The following RYR3 variants were observed in gnomAD, a reference collection of about 807,000 sequenced individuals.
RYR3 encodes the protein ryanodine receptor 3.
RYR3 carries 207 observed loss-of-function variants against 584.3 expected under a neutral mutation model. The ratio of observed to expected loss-of-function variants is 0.35; its 90% CI spans 0.32 to 0.40. The LOEUF is 0.40. Among genes scored for constraint, RYR3 ranks in the 10% least tolerant of loss-of-function variants. RYR3 has a pLI of 1.00. For synonymous variants in RYR3, 2,416 were observed against 2,248.5 expected (o/e 1.07, Z -2.11); for missense variants, 5,616 against 6,089.2 (o/e 0.92, Z 2.59).
chr15:33,414,734 A>G (rs2043666027), intron 1 of RYR3, among the ~76,000 whole-genome samples: 1 of 152,088 alleles, frequency 6.6e-6, no homozygotes. Context: ...CCTCCCAAGT[A>G]GCTGGGACTA....
chr15:33,700,803 G>C (rs1462213483), intron 41 of RYR3, among the ~76,000 whole-genome samples, 174 bp from the exon 42 acceptor site: 1 of 152,192 alleles, frequency 6.6e-6, no homozygotes, highest in Non-Finnish European at 1.5e-5. Flanking sequence ...AGGAAGGATA[G>C]CTAATAGAGC....
At chr15:33,718,377 G>A (rs2067655759) in intron 43 of RYR3, among the ~76,000 whole-genome samples, 1 of 152,172 alleles carries the variant, frequency 6.6e-6, no homozygotes, top group African/African-American at 2.4e-5. Context: ...TTTTTTGAAT[G>A]TTTGTGATAT....
chr15:33,728,920 T>G lies in RYR3; in HGVS notation c.7097T>G (p.Val2366Gly), dbSNP rs1596334748. Reference sequence around the variant, plus strand: ...TGCCCTGACCACAAGGCACCTATGGTGCTGTTCTTGGACCGCGTTTATGGC... The same window carrying G: ...TGCCCTGACCACAAGGCACCTATGGGGCTGTTCTTGGACCGCGTTTATGGC... ...NFCPDHKAPMVLFLDRVYGIK... is the reference protein window; with the variant it reads ...NFCPDHKAPMGLFLDRVYGIK... The change falls in exon 47 of 104, where the codon GTG becomes GGG. Residue 2366 changes from valine to glycine, a missense_variant. Physicochemically the swap from Val to Gly is moderately radical, Grantham distance 109. This residue lies in a region of RYR3 where 1,280 missense variants were observed against 1,426.2 expected (regional missense o/e 0.90). Coordinates refer to ENST00000634891, the MANE Select transcript of RYR3 (RefSeq NM_001036.6). 2.5e-6 allele frequency: 4 copies of G among 1,613,754 alleles called. No homozygotes were observed. Among genetic ancestry groups the G allele is most frequent in the Non-Finnish European group, 3.4e-6 (4 of 1,179,800 alleles).
intron 43 of RYR3, among the ~76,000 whole-genome samples, chr15:33,721,511 G>A (rs888110101): frequency 2.0e-5 from 3 of 152,136 alleles, no homozygotes; most frequent in East Asian, 1.9e-4. Context: ...CTCGATTATC[G>A]CTCAGTTCTC....
At chr15:33,519,055 C>T (rs2053764513) in intron 3 of RYR3, among the ~76,000 whole-genome samples, 1 of 152,208 alleles carries the variant, frequency 6.6e-6, no homozygotes, top group African/African-American at 2.4e-5. Flanking sequence ...CCCCAGTCTG[C>T]TTTGTGCTTT....
chr15:33,749,972 G>C lies in RYR3; in HGVS notation c.8200-7G>C. 6.2e-7 allele frequency: 1 copy of C among 1,610,864 alleles called. No homozygotes were observed. Among genetic ancestry groups the C allele is most frequent in the Non-Finnish European group, 8.5e-7 (1 of 1,178,872 alleles). Reference sequence around the variant, plus strand: ...TTTTTGACTTGGCTCTTCTTGGTGGGACACAGGGAATGGTGGAGGTCGTGG... The same window carrying C: ...TTTTTGACTTGGCTCTTCTTGGTGGCACACAGGGAATGGTGGAGGTCGTGG... On this transcript the variant is annotated splice_region_variant and splice_polypyrimidine_tract_variant and intron_variant, in intron 55 of 103. Transcript: ENST00000634891.
intron 89 of RYR3, among the ~76,000 whole-genome samples, chr15:33,839,426 AC>A (rs1386821904): frequency 6.6e-6 from 1 of 152,228 alleles, no homozygotes; most frequent in African/African-American, 2.4e-5. Flanking sequence ...TCCTTGTGAT[AC>A]ACTCACTGTT....
At chr15:33,532,613 T>A (rs1310473605) in intron 4 of RYR3, among the ~76,000 whole-genome samples, 2 of 127,132 alleles carry the variant, frequency 1.6e-5, no homozygotes, top group African/African-American at 2.7e-5. Flanking sequence ...TAACATAATA[T>A]TATATAAAAT....
In RYR3 at chr15:33,510,497, G is replaced by GTATA. The variant is rs569063659; in HGVS notation, c.279+6762_279+6763insATAT. On this transcript the variant is annotated intron_variant, in intron 3 of 103. Transcript: ENST00000634891. ...ATTTATTTAGGTAGAATGAATAAAT[G>GTATA]TATTCTCTTTCTTCTTTGCTGTGGA... Among the ~76,000 whole-genome samples, 197 of 152,034 alleles carry GTATA rather than the reference G, an allele frequency of 1.3e-3. 1 individual carries two copies. The highest frequency in any genetic ancestry group is 4.5e-3 in the African/African-American group (186 of 41,450).
At chr15:33,455,497 G>T (rs1420443402) in intron 1 of RYR3, among the ~76,000 whole-genome samples, 1 of 146,562 alleles carries the variant, frequency 6.8e-6, no homozygotes, top group African/African-American at 2.4e-5. Context: ...CAGGAGAGGA[G>T]TACGTGCCTT....
chr15:33,593,548 G>A (rs776079489), intron 16 of RYR3, among the ~76,000 whole-genome samples: 7 of 152,178 alleles, frequency 4.6e-5, no homozygotes, highest in Non-Finnish European at 5.9e-5. Flanking sequence ...GCTTATGTAC[G>A]TAAACAGGTT....
At chr15:33,515,615 C>G (rs1366223020) in intron 3 of RYR3, among the ~76,000 whole-genome samples, 1 of 152,228 alleles carries the variant, frequency 6.6e-6, no homozygotes, top group Non-Finnish European at 1.5e-5. Flanking sequence ...CTATTTATTG[C>G]ATTTGCAGTT....
chr15:33,439,614 C>G (rs541259257), intron 1 of RYR3, among the ~76,000 whole-genome samples: 8 of 152,086 alleles, frequency 5.3e-5, no homozygotes, highest in Admixed American at 2.6e-4. Flanking sequence ...AATCTTTATT[C>G]AAAATGTTTG....
rs2061609085 is a variant in RYR3, at chr15:33,638,274, A to G, written c.3556+1724A>G. Among the ~76,000 whole-genome samples the G allele has an allele frequency of 2.6e-5, 4 of 152,356 alleles. 1 individual carries two copies. In the Middle Eastern group the frequency reaches 0.014, roughly 518 times the overall value. ...GATTTCTGTGGGTGGACATCAGGGC[A>G]GTGTACAAGGACAACCAGGTGCTTT... On this transcript the variant is annotated intron_variant, in intron 27 of 103. Coordinates refer to ENST00000634891, the MANE Select transcript of RYR3 (RefSeq NM_001036.6).
intron 1 of RYR3, among the ~76,000 whole-genome samples, chr15:33,447,021 A>C (rs1471391338): frequency 6.6e-6 from 1 of 152,230 alleles, no homozygotes; most frequent in Non-Finnish European, 1.5e-5. Flanking sequence ...CCTGCACCAC[A>C]GTTCTTTACT....
intron 84 of RYR3, 114 bp from the exon 85 acceptor site, chr15:33,827,085 G>A: frequency 2.2e-6 from 2 of 894,874 alleles, no homozygotes; most frequent in Non-Finnish European, 3.6e-6. Context: ...CCCAAACATG[G>A]TATTCTTGTA....
intron 1 of RYR3, among the ~76,000 whole-genome samples, chr15:33,432,758 G>A (rs1287280776): frequency 6.6e-6 from 1 of 151,224 alleles, no homozygotes; most frequent in Non-Finnish European, 1.5e-5. Flanking sequence ...CTGACCTTGT[G>A]ATCTGCCTGC....
chr15:33,443,900 A>G (rs1567248484), intron 1 of RYR3, among the ~76,000 whole-genome samples: 1 of 152,350 alleles, frequency 6.6e-6, no homozygotes, highest in East Asian at 1.9e-4. Flanking sequence ...GGGGTTCCCT[A>G]TATGACAGCT....
At chr15:33,685,593 T>C (rs1165639174) in intron 38 of RYR3, among the ~76,000 whole-genome samples, 2 of 152,226 alleles carry the variant, frequency 1.3e-5, no homozygotes, top group Non-Finnish European at 2.9e-5. Flanking sequence ...CAAGCGTACA[T>C]AATAGACATC....
Sources: gnomAD v4.1 joint callset for allele counts (sites outside exome capture counted in the v4.1 genomes callset) on GRCh38, gnomAD v4.1.1 for gene constraint, gnomAD v4.1.1 regional missense constraint, MANE v1.5 for transcripts, NCBI Gene and HGNC (gene_info 2026-07-23, HGNC 2026-07-21) for gene names.